The following NCKAP5 variants were observed in gnomAD, a reference collection of about 807,000 sequenced individuals.
The protein encoded by NCKAP5 is nck-associated protein 5.
Under a neutral mutation model 167.0 loss-of-function variants are expected in NCKAP5, and 92 were observed. The ratio of observed to expected loss-of-function variants is 0.55; its 90% CI spans 0.47 to 0.66. The LOEUF (loss-of-function observed/expected upper bound fraction) is 0.66, where lower values mean the gene tolerates loss of function less well. Among genes scored for constraint, NCKAP5 ranks in the 30% least tolerant of loss-of-function variants. The probability of loss-of-function intolerance (pLI) is 0.00; values close to 1 mark genes in which losing one functional copy is unlikely to be tolerated. For missense variants in NCKAP5, 2,378 were observed against 2,315.0 expected (o/e 1.03, Z -0.56); for synonymous variants, 891 against 877.4 (o/e 1.02, Z -0.27).
intron 4 of NCKAP5, among the ~76,000 whole-genome samples, chr2:133,263,284 A>G (rs112866689): frequency 0.029 from 2,670 of 92,710 alleles, 34 homozygotes; most frequent in Non-Finnish European, 0.04. Flanking sequence ...ACTCTCTAGG[A>G]AAAAAAAAAA....
At chr2:133,038,104 A>C (rs2079095911) in intron 6 of NCKAP5, among the ~76,000 whole-genome samples, 1 of 152,212 alleles carries the variant, frequency 6.6e-6, no homozygotes, top group Non-Finnish European at 1.5e-5. Context: ...TGATCCAGCA[A>C]TCTTACTGGT....
chr2:133,309,873 T>A (rs1208595008), intron 3 of NCKAP5, among the ~76,000 whole-genome samples: 1 of 152,166 alleles, frequency 6.6e-6, no homozygotes, highest in Non-Finnish European at 1.5e-5. Context: ...CTTGCAGAGA[T>A]CCAAAAATCC....
At chr2:132,720,344 C>A (rs1689786736) in intron 19 of NCKAP5, among the ~76,000 whole-genome samples, 2 of 152,362 alleles carry the variant, frequency 1.3e-5, no homozygotes, top group Middle Eastern at 3.4e-3. Flanking sequence ...AACAACTAGA[C>A]TTTCTAAACA....
At chr2:132,859,076 G>A (rs16842623) in intron 11 of NCKAP5, among the ~76,000 whole-genome samples, 5,742 of 152,112 alleles carry the variant, frequency 0.038, 356 homozygotes, top group African/African-American at 0.13. Flanking sequence ...AAATATTTAC[G>A]GTGGTCAGGA....
intron 4 of NCKAP5, among the ~76,000 whole-genome samples, chr2:133,247,957 C>CT: frequency 6.6e-6 from 1 of 152,210 alleles, no homozygotes; most frequent in Non-Finnish European, 1.5e-5. Flanking sequence ...AGCAGTCTCC[C>CT]TGCCAATGAG....
chr2:132,686,859 C>T (rs1686007114), intron 19 of NCKAP5, among the ~76,000 whole-genome samples: 1 of 152,072 alleles, frequency 6.6e-6, no homozygotes, highest in East Asian at 1.9e-4. Flanking sequence ...AGACTTTGTT[C>T]TTCAAAAAAA....
intron 3 of NCKAP5, among the ~76,000 whole-genome samples, chr2:133,428,539 C>A (rs950623720): frequency 7.9e-5 from 12 of 151,824 alleles, no homozygotes; most frequent in Non-Finnish European, 1.8e-4. Flanking sequence ...CATTGTGAAA[C>A]AATATATTAA....
At chr2:133,050,237 C>T (rs532317194) in intron 6 of NCKAP5, among the ~76,000 whole-genome samples, 1 of 151,776 alleles carries the variant, frequency 6.6e-6, no homozygotes, top group African/African-American at 2.4e-5. Context: ...GTCTTAGTTA[C>T]AAAACCAGGG....
At chr2:133,222,537 T>C (rs973313810) in intron 4 of NCKAP5, among the ~76,000 whole-genome samples, 1 of 152,226 alleles carries the variant, frequency 6.6e-6, no homozygotes, top group Non-Finnish European at 1.5e-5. Context: ...TTAGTATTCT[T>C]ATAAAATTCT....
At chr2:133,569,659 C>G (rs1349618478), upstream of NCKAP5, among the ~76,000 whole-genome samples, 2 of 152,136 alleles carry the variant, frequency 1.3e-5, no homozygotes, top group African/African-American at 2.4e-5. Context: ...AGATTAAGCT[C>G]TCTCCCTGGC....
At chr2:133,220,232 T>G (rs535288955) in intron 4 of NCKAP5, among the ~76,000 whole-genome samples, 109 of 152,360 alleles carry the variant, frequency 7.2e-4, no homozygotes, top group African/African-American at 2.0e-3. Flanking sequence ...TAGCTCATTA[T>G]GAAGTGGGTA....
At chr2:133,163,256 ACT>A (rs1186586103) in intron 5 of NCKAP5, among the ~76,000 whole-genome samples, 2 of 152,350 alleles carry the variant, frequency 1.3e-5, no homozygotes, top group East Asian at 3.9e-4. Flanking sequence ...CCCCATACAC[ACT>A]GGTGTTCTCA....
intron 11 of NCKAP5, among the ~76,000 whole-genome samples, chr2:132,807,688 T>A (rs1431682529): frequency 6.6e-6 from 1 of 152,118 alleles, no homozygotes; most frequent in African/African-American, 2.4e-5. Flanking sequence ...ATGTAAATGA[T>A]CATATTGTCA....
intron 5 of NCKAP5, among the ~76,000 whole-genome samples, chr2:133,203,974 T>C (rs1275828485): frequency 6.6e-6 from 1 of 152,244 alleles, no homozygotes; most frequent in Non-Finnish European, 1.5e-5. Flanking sequence ...ATTTATTAAC[T>C]TGGTTTTATG....
chr2:132,986,457 A>G (rs1365671440), intron 7 of NCKAP5, among the ~76,000 whole-genome samples: 3 of 152,172 alleles, frequency 2.0e-5, no homozygotes, highest in African/African-American at 4.8e-5. Flanking sequence ...GGAGATGCCC[A>G]TACAGCAGAT....
At position 133,568,436 on chromosome 2, in the gene NCKAP5, C is replaced by T. The variant is rs908264645; in HGVS notation, c.-350G>A. 2 of 152,174 alleles carry T rather than the reference C, an allele frequency of 1.3e-5. No individual in the cohort carries two copies. Among genetic ancestry groups the T allele is most frequent in the Non-Finnish European group, 2.9e-5 (2 of 68,052 alleles). The allele number at this position is 152,174 out of a possible 1,614,324, so 9.4% of individuals were successfully genotyped here. A position where few individuals can be genotyped will look rare whatever the true frequency, so the allele number is the denominator to read the frequency against. On this transcript the variant is annotated 5_prime_UTR_variant, in exon 1 of 20. Coordinates refer to ENST00000409261, the MANE Select transcript of NCKAP5 (RefSeq NM_207363.3). ...CGGAGCAAGTTTGCGGAGACTTGCTCCCTGGGCTGCGGCTCCGTAGTTGCT... is the reference window on the plus strand; with the variant it reads ...CGGAGCAAGTTTGCGGAGACTTGCTTCCTGGGCTGCGGCTCCGTAGTTGCT...
At chr2:133,391,538 C>T (rs1271827644) in intron 3 of NCKAP5, 1 of 152,228 alleles carries the variant, frequency 6.6e-6, no homozygotes, top group African/African-American at 2.4e-5. Flanking sequence ...TAACTTCCCA[C>T]TGAGTCTTCC....
chr2:133,569,806 TG>T (rs1688791413), upstream of NCKAP5, among the ~76,000 whole-genome samples: 2 of 152,256 alleles, frequency 1.3e-5, no homozygotes, highest in Admixed American at 1.3e-4. Context: ...TACTTTCATG[TG>T]GGAAATAGTT....
intron 15 of NCKAP5, among the ~76,000 whole-genome samples, chr2:132,776,214 G>T (rs1682531826): frequency 6.6e-6 from 1 of 152,132 alleles, no homozygotes; most frequent in African/African-American, 2.4e-5. Flanking sequence ...TAGATATGAA[G>T]GCAATATTCC....
Sources: gnomAD v4.1 joint callset for allele counts (sites outside exome capture counted in the v4.1 genomes callset) on GRCh38, gnomAD v4.1.1 for gene constraint, MANE v1.5 for transcripts, NCBI Gene and HGNC (gene_info 2026-07-23, HGNC 2026-07-21) for gene names.